The following TMEM132B variants were observed in gnomAD, a reference collection of about 807,000 sequenced individuals.
The protein encoded by TMEM132B is transmembrane protein 132B.
TMEM132B carries 18 observed loss-of-function variants against 90.8 expected under a neutral mutation model. The observed-to-expected ratio is 0.20, with a 90% CI of 0.14 to 0.29. TMEM132B has a LOEUF of 0.29. Ranked by LOEUF, TMEM132B falls within the 10% of genes least tolerant of loss-of-function variation. TMEM132B has a pLI of 1.00. For missense variants in TMEM132B, 1,096 were observed against 1,326.8 expected (o/e 0.83, Z 2.70); for synonymous variants, 504 against 523.3 (o/e 0.96, Z 0.50).
rs552671817 is a variant in TMEM132B at position 125,417,950 on chromosome 12, G to T, written c.1106+2273G>T. ...TAATGGAAGAGCTTGGGCAGAGAGT[G>T]GGGGAGGGATTGTTGGTGGGCAGCA... On this transcript the variant is annotated intron_variant, in intron 3 of 8. Coordinates refer to ENST00000682704, the MANE Select transcript of TMEM132B (RefSeq NM_001366854.1). Among the ~76,000 whole-genome samples the T allele has an allele frequency of 1.3e-4, 20 of 152,296 alleles. No homozygotes were observed. The East Asian group carries it at 3.7e-3, about 28-fold the overall frequency.
chr12:125,229,659 G>A (rs1276288665), intron 1 of TMEM132B, among the ~76,000 whole-genome samples: 1 of 152,154 alleles, frequency 6.6e-6, no homozygotes, highest in African/African-American at 2.4e-5. Context: ...AGATATTCTC[G>A]TGTTGCAGCT....
At chr12:125,566,835 C>CTTTTTTTTTTT (rs869196346) in intron 4 of TMEM132B, among the ~76,000 whole-genome samples, 3 of 78,738 alleles carry the variant, frequency 3.8e-5, no homozygotes, top group African/African-American at 6.1e-5. Context: ...TCTTCTTCTT[C>CTTTTTTTTTTT]TTTTTTTTTT....
At chr12:125,195,886 T>G (rs1243036581) in intron 1 of TMEM132B, among the ~76,000 whole-genome samples, 1 of 152,156 alleles carries the variant, frequency 6.6e-6, no homozygotes, top group Non-Finnish European at 1.5e-5. Flanking sequence ...CAGTGAGAGC[T>G]GTTCCCTCAC....
At chr12:125,289,186 T>C (rs1875463373) in intron 1 of TMEM132B, among the ~76,000 whole-genome samples, 1 of 152,180 alleles carries the variant, frequency 6.6e-6, no homozygotes, top group African/African-American at 2.4e-5. Context: ...CTGAGTCCCA[T>C]ACTCTCTGCC....
chr12:125,316,810 A>C (rs572417375), intron 1 of TMEM132B, among the ~76,000 whole-genome samples: 54 of 152,374 alleles, frequency 3.5e-4, no homozygotes, highest in Non-Finnish European at 4.3e-4. Flanking sequence ...CACAAACTGT[A>C]CTACAGGCCA....
At chr12:125,644,874 G>A (rs1453528229) in intron 6 of TMEM132B, among the ~76,000 whole-genome samples, 7 of 152,124 alleles carry the variant, frequency 4.6e-5, no homozygotes, top group Non-Finnish European at 1.0e-4. Flanking sequence ...ATCAATTAGG[G>A]ATGATAACAT....
chr12:125,476,678 A>C (rs974762421), intron 3 of TMEM132B, among the ~76,000 whole-genome samples: 3 of 152,208 alleles, frequency 2.0e-5, no homozygotes, highest in Non-Finnish European at 2.9e-5. Flanking sequence ...GGGGGAGAGT[A>C]CAAACCTAGG....
chr12:125,557,453 A>G (rs1048174954), intron 4 of TMEM132B, among the ~76,000 whole-genome samples: 16 of 152,214 alleles, frequency 1.1e-4, no homozygotes, highest in African/African-American at 3.4e-4. Flanking sequence ...GATGTATAGC[A>G]TCTATTACAT....
intron 4 of TMEM132B, among the ~76,000 whole-genome samples, chr12:125,578,511 A>G (rs1294370508): frequency 6.6e-6 from 1 of 152,190 alleles, no homozygotes; most frequent in Non-Finnish European, 1.5e-5. Context: ...TTTTGTATTT[A>G]TCAATGTAGT....
At chr12:125,381,583 C>G (rs554071505) in intron 2 of TMEM132B, among the ~76,000 whole-genome samples, 2 of 152,290 alleles carry the variant, frequency 1.3e-5, no homozygotes, top group Admixed American at 6.5e-5. Flanking sequence ...TAGCGCCTAG[C>G]TATGGCACAT....
In TMEM132B at chr12:125,407,029, C is replaced by A. The variant is rs111300573; in HGVS notation, c.960-8502C>A. 1.3e-5 allele frequency among the ~76,000 whole-genome samples: 2 copies of A among 152,176 alleles called. No individual in the cohort carries two copies. The highest frequency in any genetic ancestry group is 2.9e-5 in the Non-Finnish European group (2 of 68,038). ...AACCATAGGCACAGAGTGCTGCCAA[C>A]TGGGGGAGCTCACCCAAGCTTGGTG... On this transcript the variant is annotated intron_variant, in intron 2 of 8. Coordinates refer to ENST00000682704, the MANE Select transcript of TMEM132B (RefSeq NM_001366854.1). This position sits in a 1 kb window ranked among gnomAD's most constrained non-coding sequence, Gnocchi z 6.7.
chr12:125,386,273 AC>A (rs1313798117), intron 2 of TMEM132B, among the ~76,000 whole-genome samples: 2 of 152,144 alleles, frequency 1.3e-5, no homozygotes, highest in African/African-American at 4.8e-5. Flanking sequence ...CAGGCATGAA[AC>A]ACTGTGCCCA....
chr12:125,525,327 TGTG>T (rs1883420337), intron 4 of TMEM132B, among the ~76,000 whole-genome samples: 1 of 152,222 alleles, frequency 6.6e-6, no homozygotes, highest in African/African-American at 2.4e-5. Context: ...CAATCCCCCT[TGTG>T]GTGGTGTTAC....
At chr12:125,416,563 C>A (rs1055576942) in intron 3 of TMEM132B, among the ~76,000 whole-genome samples, 1 of 152,262 alleles carries the variant, frequency 6.6e-6, no homozygotes, top group African/African-American at 2.4e-5. Flanking sequence ...GAATGAAGGC[C>A]TGGGTGGAGG....
At chr12:125,340,525 A>G (rs1293132673) in intron 1 of TMEM132B, among the ~76,000 whole-genome samples, 2 of 152,118 alleles carry the variant, frequency 1.3e-5, no homozygotes, top group Non-Finnish European at 2.9e-5. Flanking sequence ...TCTCAGCATA[A>G]CATGGTGGTG....
rs558183354 is a variant in TMEM132B at position 125,406,263 on chromosome 12, C to G, written c.960-9268C>G. On this transcript the variant is annotated intron_variant, in intron 2 of 8. Transcript: ENST00000682704. The surrounding 1 kb of genome is among the most constrained non-coding windows in gnomAD (Gnocchi z 8.3). Reference sequence around the variant, plus strand: ...GGTCATACCCACACAATTTGCCTGTCTAGTGATGCTCATCAAGTTTCCTCA... The same window carrying G: ...GGTCATACCCACACAATTTGCCTGTGTAGTGATGCTCATCAAGTTTCCTCA... Among the ~76,000 whole-genome samples the G allele has an allele frequency of 6.6e-6, 1 of 152,314 alleles. No homozygotes were observed. Among genetic ancestry groups the G allele is most frequent in the Admixed American group, 6.5e-5 (1 of 15,294 alleles).
At position 125,657,920 on chromosome 12, in the gene TMEM132B, G is replaced by C. The variant is rs1047512213; in HGVS notation, c.*3210G>C. 2.0e-5 allele frequency: 3 copies of C among 152,308 alleles called. No individual in the cohort carries two copies. The highest frequency in any genetic ancestry group is 7.2e-5 in the African/African-American group (3 of 41,444). 9.4% of individuals were successfully genotyped at this position (152,308 alleles called of 1,614,324 possible). On this transcript the variant is annotated 3_prime_UTR_variant, in exon 9 of 9. Coordinates refer to ENST00000682704, the MANE Select transcript of TMEM132B (RefSeq NM_001366854.1). The stretch of plus-strand genomic sequence containing the variant: ...GCCTCCAGGGTCCAGATGTGCTGCA[G>C]TAGAGGGCAGAGCACAGGAATCAAG...
intron 1 of TMEM132B, among the ~76,000 whole-genome samples, chr12:125,304,623 T>C (rs149556045): frequency 4.6e-5 from 7 of 152,286 alleles, no homozygotes; most frequent in Non-Finnish European, 7.4e-5. Context: ...CTTCATTATT[T>C]TGCATGTGGA....
At chr12:125,653,127 T>C (rs1886968435) in intron 8 of TMEM132B, among the ~76,000 whole-genome samples, 1 of 152,210 alleles carries the variant, frequency 6.6e-6, no homozygotes, top group African/African-American at 2.4e-5. Context: ...AGCCTCACAA[T>C]GCACCTTCCC....
Sources: gnomAD v4.1 joint callset for allele counts (sites outside exome capture counted in the v4.1 genomes callset) on GRCh38, gnomAD v4.1.1 for gene constraint, Gnocchi (gnomAD v3.1) non-coding constraint, MANE v1.5 for transcripts, NCBI Gene and HGNC (gene_info 2026-07-23, HGNC 2026-07-21) for gene names.